THEMIS: variants seen among roughly 807,000 people sequenced by gnomAD.
THEMIS encodes the protein thymocyte selection associated.
In THEMIS, 37 loss-of-function variants were observed where a neutral mutation model predicts 52.6. The ratio of observed to expected loss-of-function variants is 0.70; its 90% CI spans 0.54 to 0.93. THEMIS has a LOEUF of 0.93. Among genes scored for constraint, THEMIS ranks in the 40% least tolerant of loss-of-function variants. The probability of loss-of-function intolerance (pLI) is 0.00; values close to 1 mark genes in which losing one functional copy is unlikely to be tolerated. For missense variants in THEMIS, 808 were observed against 763.1 expected (o/e 1.06, Z -0.69); for synonymous variants, 292 against 272.7 (o/e 1.07, Z -0.70).
chr6:127,728,105 C>G (rs1043478198), intron 4 of THEMIS, among the ~76,000 whole-genome samples: 1 of 152,120 alleles, frequency 6.6e-6, no homozygotes, highest in Non-Finnish European at 1.5e-5. Context: ...ATCAACAGAC[C>G]TTAATATTCA....
At chr6:127,838,644 TG>T (rs1200522944) in intron 2 of THEMIS, among the ~76,000 whole-genome samples, 1 of 152,108 alleles carries the variant, frequency 6.6e-6, no homozygotes, top group African/African-American at 2.4e-5. Context: ...TAAAATGTGA[TG>T]TTTTCATCTA....
chr6:127,830,873 TG>T (rs1032124045), intron 2 of THEMIS, among the ~76,000 whole-genome samples: 11 of 152,174 alleles, frequency 7.2e-5, no homozygotes, highest in African/African-American at 2.7e-4. Context: ...GTCCAAATAA[TG>T]TAAGACTTCT....
At chr6:127,721,453 A>G (rs1774359279) in intron 4 of THEMIS, among the ~76,000 whole-genome samples, 1 of 152,052 alleles carries the variant, frequency 6.6e-6, no homozygotes, top group Admixed American at 6.6e-5. Flanking sequence ...TTCAAACACA[A>G]TTTCTTACAT....
chr6:127,885,937 T>G lies in THEMIS; in HGVS notation c.91+14905A>C, dbSNP rs1780631201. On this transcript the variant is annotated intron_variant, in intron 1 of 5. Transcript: ENST00000368248. ...GTTCTACCACTAGATTAGGTGGTTT[T>G]GGCTGATTTACTTTGGTATCTACAG... 2.0e-5 allele frequency among the ~76,000 whole-genome samples: 3 copies of G among 152,136 alleles called. No individual in the cohort carries two copies. The South Asian group carries it at 6.2e-4, about 32-fold the overall frequency.
chr6:127,788,927 A>C (rs1307110371), intron 4 of THEMIS, among the ~76,000 whole-genome samples: 1 of 152,154 alleles, frequency 6.6e-6, no homozygotes, highest in East Asian at 1.9e-4. Context: ...GGAGAAAGCA[A>C]GAAAGATGTA....
At chr6:127,710,894 C>G (rs1773952904) in intron 5 of THEMIS, among the ~76,000 whole-genome samples, 1 of 151,796 alleles carries the variant, frequency 6.6e-6, no homozygotes, top group African/African-American at 2.4e-5. Context: ...CTCTGTTGGT[C>G]TTCCTTCTGA....
intron 1 of THEMIS, among the ~76,000 whole-genome samples, chr6:127,856,894 A>G (rs1779636900): frequency 6.6e-6 from 1 of 152,016 alleles, no homozygotes; most frequent in Admixed American, 6.6e-5. Flanking sequence ...TTGGCAATTA[A>G]TCACATACTA....
chr6:127,803,905 C>A (rs1777617364), intron 4 of THEMIS, among the ~76,000 whole-genome samples: 1 of 152,176 alleles, frequency 6.6e-6, no homozygotes, highest in South Asian at 2.1e-4. Flanking sequence ...AGTGATACAG[C>A]TAGCATCTCC....
chr6:127,710,166 G>GA (rs77155033), intron 5 of THEMIS, 150 bp from the exon 6 acceptor site: 30,580 of 335,412 alleles, frequency 0.091, 8 homozygotes, highest in East Asian at 0.14. Flanking sequence ...GCAAAATAAA[G>GA]AAAAAAAAAA....
chr6:127,871,433 G>A (rs987112323), intron 1 of THEMIS, among the ~76,000 whole-genome samples: 3 of 151,862 alleles, frequency 2.0e-5, no homozygotes, highest in Admixed American at 6.6e-5. Context: ...TTAGAAAAGA[G>A]CAATAGCCTC....
chr6:127,774,366 C>T (rs369673785), intron 4 of THEMIS, among the ~76,000 whole-genome samples: 1 of 152,140 alleles, frequency 6.6e-6, no homozygotes, highest in Admixed American at 6.5e-5. Context: ...CCACCATGCC[C>T]AGCTAATTTT....
intron 4 of THEMIS, among the ~76,000 whole-genome samples, chr6:127,745,688 C>T (rs1775365442): frequency 6.6e-6 from 1 of 151,844 alleles, no homozygotes; most frequent in South Asian, 2.1e-4. Context: ...AGTGAAATAA[C>T]ATCCACACCA....
At chr6:127,754,484 A>T (rs974163719) in intron 4 of THEMIS, among the ~76,000 whole-genome samples, 1 of 152,168 alleles carries the variant, frequency 6.6e-6, no homozygotes, top group Non-Finnish European at 1.5e-5. Flanking sequence ...CCATTGGTCA[A>T]TTCCTCTCAT....
In THEMIS at chr6:127,737,230, A is replaced by G. The variant is rs537090166; in HGVS notation, c.1759-17407T>C. 1.2e-4 allele frequency among the ~76,000 whole-genome samples: 19 copies of G among 152,336 alleles called. No individual in the cohort carries two copies. In the East Asian group the frequency reaches 3.7e-3, roughly 29 times the overall value. ...TTAGTTTGAATATGGGAAATCTGCC[A>G]GGATTTCATGGCTTTAGGATTAAAT... On this transcript the variant is annotated intron_variant, in intron 4 of 5. Coordinates refer to ENST00000368248, the MANE Select transcript of THEMIS (RefSeq NM_001010923.3).
chr6:127,739,040 T>A (rs921002070), intron 4 of THEMIS, among the ~76,000 whole-genome samples: 1 of 152,200 alleles, frequency 6.6e-6, no homozygotes, highest in Non-Finnish European at 1.5e-5. Context: ...TTGCAAGCCC[T>A]GTCTTCATCT....
intron 4 of THEMIS, among the ~76,000 whole-genome samples, chr6:127,759,856 CTCCTTCCT>C (rs71028104): frequency 1.7e-5 from 2 of 119,358 alleles, no homozygotes; most frequent in Non-Finnish European, 3.4e-5. Flanking sequence ...CCCTCCCTCC[CTCCTTCCT>C]TCCTTCCTTC....
At position 127,776,490 on chromosome 6, in the gene THEMIS, C is replaced by G. The variant is rs115115429; in HGVS notation, c.1758+36393G>C. ...ATGTGACTGACCTGGATCAGAGCAT[C>G]TGGGGCCTGCCCCAAGGCGGGTGAA... On this transcript the variant is annotated intron_variant, in intron 4 of 5. Coordinates refer to ENST00000368248, the MANE Select transcript of THEMIS (RefSeq NM_001010923.3). Among the ~76,000 whole-genome samples the G allele has an allele frequency of 5.5e-3, 842 of 152,350 alleles. 6 individuals are homozygous for G. Among genetic ancestry groups the G allele is most frequent in the African/African-American group, 0.019 (803 of 41,582 alleles).
intron 4 of THEMIS, among the ~76,000 whole-genome samples, chr6:127,808,175 T>A (rs1201502189): frequency 6.6e-6 from 1 of 152,204 alleles, no homozygotes; most frequent in Non-Finnish European, 1.5e-5. Context: ...CCAGCTGCAG[T>A]CTCTGAAGAC....
chr6:127,771,251 A>T (rs1044061993), intron 4 of THEMIS, among the ~76,000 whole-genome samples: 1 of 152,220 alleles, frequency 6.6e-6, no homozygotes, highest in Non-Finnish European at 1.5e-5. Context: ...CCACTGCTCA[A>T]TGAAATAAAA....
Sources: allele counts gnomAD v4.1 joint callset (sites outside exome capture counted in the v4.1 genomes callset), GRCh38; gene constraint gnomAD v4.1.1; transcripts MANE v1.5; gene names NCBI Gene and HGNC (gene_info 2026-07-23, HGNC 2026-07-21).